Variants in SV2C observed in about 807,000 individuals in gnomAD.
SV2C encodes the protein solute carrier family 22 member B3.
SV2C carries 49 observed loss-of-function variants against 79.7 expected under a neutral mutation model. That is an observed-to-expected ratio of 0.61 (90% confidence interval 0.49 to 0.78). The LOEUF is 0.78. Among genes scored for constraint, SV2C ranks in the 30% least tolerant of loss-of-function variants. The pLI is 0.00. For synonymous variants in SV2C, 334 were observed against 333.2 expected (o/e 1.00, Z -0.03); for missense variants, 833 against 912.9 (o/e 0.91, Z 1.13).
At chr5:75,899,483 C>T in the SV2C span, among the ~76,000 whole-genome samples, 8 of 151,930 alleles carry the variant, frequency 5.3e-5, no homozygotes, top group African/African-American at 1.9e-4. Context: ...GCTTTACTTC[C>T]AAGTATGTGG....
At chr5:76,168,679 A>T (rs1743119028) in intron 2 of SV2C, among the ~76,000 whole-genome samples, 1 of 152,042 alleles carries the variant, frequency 6.6e-6, no homozygotes. Context: ...GTCAGCCCTT[A>T]CTTCTCTCTT....
chr5:76,285,207 G>A lies in SV2C; in HGVS notation c.959G>A (p.Arg320His), dbSNP rs770649936. The change falls in exon 5 of 13, where the codon CGT (arginine) becomes CAT (histidine). Residue 320 changes from arginine to histidine, a missense_variant. Physicochemically the swap from Arg to His is conservative, Grantham distance 29. Transcript: ENST00000502798. ...MGSAYQFHSW[R>H]VFVIVCALPC... ...TCGGCCTACCAGTTTCACAGTTGGC[G>A]TGTGTTTGTCATCGTCTGTGCACTC... The A allele has an allele frequency of 2.0e-5, 33 of 1,614,058 alleles. No homozygotes were observed. The highest frequency in any genetic ancestry group is 3.3e-5 in the Admixed American group (2 of 60,006).
chr5:76,093,989 T>C (rs925838854), intron 1 of SV2C, among the ~76,000 whole-genome samples: 1 of 152,182 alleles, frequency 6.6e-6, no homozygotes, highest in African/African-American at 2.4e-5. Flanking sequence ...AGCACACACC[T>C]GTAGTCCCTG....
intron 2 of SV2C, among the ~76,000 whole-genome samples, chr5:76,157,551 G>A (rs998740900): frequency 1.3e-5 from 2 of 151,694 alleles, no homozygotes; most frequent in Non-Finnish European, 2.9e-5. Context: ...AAAAGCAATT[G>A]CATTAAACTA....
chr5:75,879,885 C>T, the SV2C span, among the ~76,000 whole-genome samples: 2 of 152,212 alleles, frequency 1.3e-5, no homozygotes, highest in African/African-American at 4.8e-5. Context: ...TTGATACACC[C>T]TCTGAAATCT....
the SV2C span, among the ~76,000 whole-genome samples, chr5:75,857,814 C>G: frequency 6.6e-6 from 1 of 152,146 alleles, no homozygotes; most frequent in Non-Finnish European, 1.5e-5. Flanking sequence ...TTGTAGAAAT[C>G]TTTCACTTAT....
chr5:76,151,949 G>T, intron 2 of SV2C, among the ~76,000 whole-genome samples: 1 of 152,204 alleles, frequency 6.6e-6, no homozygotes, highest in Non-Finnish European at 1.5e-5. Flanking sequence ...GGCAATCTTG[G>T]AATAGTGTAA....
chr5:75,931,358 T>G, the SV2C span, among the ~76,000 whole-genome samples: 1 of 152,238 alleles, frequency 6.6e-6, no homozygotes, highest in Non-Finnish European at 1.5e-5. Flanking sequence ...GTCAATCATC[T>G]GCCATGAGTC....
intron 2 of SV2C, among the ~76,000 whole-genome samples, chr5:76,180,582 C>G (rs1467097284): frequency 6.6e-6 from 1 of 152,220 alleles, no homozygotes; most frequent in Non-Finnish European, 1.5e-5. Flanking sequence ...ATGGTACCCT[C>G]TTGCTCCTCT....
chr5:76,317,838 G>A (rs757847543), intron 12 of SV2C, among the ~76,000 whole-genome samples: 3 of 152,092 alleles, frequency 2.0e-5, no homozygotes, highest in Non-Finnish European at 2.9e-5. Flanking sequence ...CAAAAATGTA[G>A]CACTTAATTG....
At chr5:75,916,437 T>G in the SV2C span, among the ~76,000 whole-genome samples, 2 of 137,192 alleles carry the variant, frequency 1.5e-5, no homozygotes, top group Non-Finnish European at 3.2e-5. Flanking sequence ...CTTCCTCCCC[T>G]TCTCCTCTCC....
chr5:76,102,084 A>G (rs528797499), intron 1 of SV2C, among the ~76,000 whole-genome samples: 318 of 152,234 alleles, frequency 2.1e-3, no homozygotes, highest in Non-Finnish European at 3.6e-3. Context: ...TCCTACCTGA[A>G]TGACCTTTGT....
chr5:75,920,951 G>A, the SV2C span: 12,096 of 721,820 alleles, frequency 0.017, 164 homozygotes, highest in Non-Finnish European at 0.024. Context: ...GGTGATGATG[G>A]CCCGGCCCCT....
intron 1 of SV2C, among the ~76,000 whole-genome samples, chr5:76,105,617 G>A (rs1186862679): frequency 1.3e-5 from 2 of 152,086 alleles, no homozygotes; most frequent in African/African-American, 4.8e-5. Context: ...TGCTACCTTT[G>A]TGATATTTTA....
At chr5:76,107,976 T>G (rs1273885921) in intron 1 of SV2C, among the ~76,000 whole-genome samples, 1 of 152,242 alleles carries the variant, frequency 6.6e-6, no homozygotes, top group Non-Finnish European at 1.5e-5. Context: ...TTCTTAAACT[T>G]TGCATTGCAC....
chr5:76,157,356 T>G (rs1742760147), intron 2 of SV2C, among the ~76,000 whole-genome samples: 1 of 152,032 alleles, frequency 6.6e-6, no homozygotes. Context: ...TATCCCCAGA[T>G]GAACAAAAAC....
the SV2C span, among the ~76,000 whole-genome samples, chr5:75,918,197 A>G: frequency 1.3e-5 from 2 of 152,196 alleles, no homozygotes; most frequent in African/African-American, 4.8e-5. Context: ...TTATTCGCAG[A>G]GCTGGGATTG....
At chr5:76,109,034 C>G (rs1476245677) in intron 1 of SV2C, among the ~76,000 whole-genome samples, 1 of 152,098 alleles carries the variant, frequency 6.6e-6, no homozygotes, top group African/African-American at 2.4e-5. Context: ...AATTATAGAA[C>G]CATCCTTTTT....
chr5:75,881,063 T>G, the SV2C span, among the ~76,000 whole-genome samples: 1 of 151,966 alleles, frequency 6.6e-6, no homozygotes, highest in Non-Finnish European at 1.5e-5. Flanking sequence ...AACAACCAGA[T>G]CCACATGAAC....
Sources: gnomAD v4.1 joint callset for allele counts (sites outside exome capture counted in the v4.1 genomes callset) on GRCh38, gnomAD v4.1.1 for gene constraint, MANE v1.5 for transcripts, NCBI Gene and HGNC (gene_info 2026-07-23, HGNC 2026-07-21) for gene names.